Variants in YPEL2 observed in about 807,000 individuals in gnomAD.
The protein encoded by YPEL2 is yippee like 2.
YPEL2 carries 2 observed loss-of-function variants against 19.1 expected under a neutral mutation model. The observed-to-expected ratio is 0.10, with a 90% CI of 0.04 to 0.33. The LOEUF (loss-of-function observed/expected upper bound fraction) is 0.33. YPEL2 is among the 10% of genes least tolerant of loss of function. YPEL2 has a pLI of 1.00. For missense variants in YPEL2, 66 were observed against 140.7 expected (o/e 0.47, Z 2.68); for synonymous variants, 52 against 50.0 (o/e 1.04, Z -0.17).
chr17:59,394,024 T>C (rs555969280), intron 4 of YPEL2, among the ~76,000 whole-genome samples: 113 of 152,350 alleles, frequency 7.4e-4, no homozygotes, highest in African/African-American at 2.6e-3. Context: ...CAATGAGCTG[T>C]TGGGTACACC....
At chr17:59,396,686 C>T (rs752294229) in intron 4 of YPEL2, among the ~76,000 whole-genome samples, 1 of 152,142 alleles carries the variant, frequency 6.6e-6, no homozygotes, top group Non-Finnish European at 1.5e-5. Context: ...GGGACCAGAC[C>T]GTGGTGACGC....
chr17:59,377,841 C>A (rs748836495), intron 2 of YPEL2, among the ~76,000 whole-genome samples: 16 of 152,332 alleles, frequency 1.1e-4, no homozygotes, highest in Non-Finnish European at 1.8e-4. Context: ...ACTAGTTTTG[C>A]AGCTCCCATT....
intron 4 of YPEL2, among the ~76,000 whole-genome samples, chr17:59,393,132 G>C (rs2048016401): frequency 6.6e-6 from 1 of 152,052 alleles, no homozygotes; most frequent in African/African-American, 2.4e-5. Context: ...TGTGTCTCGG[G>C]GCTATTGATT....
intron 1 of YPEL2, among the ~76,000 whole-genome samples, chr17:59,334,491 T>C (rs1182095827): frequency 4.0e-5 from 6 of 151,608 alleles, no homozygotes; most frequent in African/African-American, 1.5e-4. Flanking sequence ...TTACTTCCCA[T>C]TGTGATGGCC....
chr17:59,339,121 ACCC>A (rs1206197680), intron 1 of YPEL2, among the ~76,000 whole-genome samples: 1 of 65,496 alleles, frequency 1.5e-5, no homozygotes, highest in Non-Finnish European at 3.2e-5. Flanking sequence ...CCCCACCCCC[ACCC>A]CAACGCCTTG....
At chr17:59,372,239 G>A (rs985292893) in intron 2 of YPEL2, among the ~76,000 whole-genome samples, 4 of 152,216 alleles carry the variant, frequency 2.6e-5, no homozygotes, top group Non-Finnish European at 4.4e-5. Flanking sequence ...AATTTTCCCA[G>A]AAGCCCTAGC....
rs1394264911 is a variant in YPEL2, at chr17:59,397,344, C to T, written c.*154C>T. The T allele has an allele frequency of 2.1e-6, 1 of 480,838 alleles. No individual in the cohort carries two copies. Among genetic ancestry groups the T allele is most frequent in the Non-Finnish European group, 3.7e-6 (1 of 270,376 alleles). The allele number at this position is 480,838 out of a possible 1,614,324, so 29.8% of individuals were successfully genotyped here. ...CACCCTGACGCCATCTTTCTGGTGA[C>T]CGGCCTCTAAATCGCTGTCTCTCTG... On this transcript the variant is annotated 3_prime_UTR_variant, in exon 5 of 5. Transcript: ENST00000312655.
intron 2 of YPEL2, among the ~76,000 whole-genome samples, chr17:59,360,823 A>C (rs2047837077): frequency 6.6e-6 from 1 of 152,116 alleles, no homozygotes; most frequent in Non-Finnish European, 1.5e-5. Flanking sequence ...GCCATGAATT[A>C]GGCTGGGATT....
chr17:59,339,796 A>G lies in YPEL2; in HGVS notation c.-196+7972A>G, dbSNP rs150496097. ...CTGGAAAGCAGGGGTCATCATCATA[A>G]TGCCTGTCTCCCTGGGTTGTTGTGA... is the stretch of plus-strand genomic sequence containing the variant. On this transcript the variant is annotated intron_variant, in intron 1 of 4. Coordinates refer to ENST00000312655, the MANE Select transcript of YPEL2 (RefSeq NM_001005404.4). Among the ~76,000 whole-genome samples the G allele has an allele frequency of 3.2e-3, 484 of 152,248 alleles. 1 individual carries two copies. The highest frequency in any genetic ancestry group is 0.011 in the African/African-American group (448 of 41,540).
At chr17:59,359,685 GAAT>G (rs1368442583) in intron 2 of YPEL2, among the ~76,000 whole-genome samples, 1 of 152,054 alleles carries the variant, frequency 6.6e-6, no homozygotes, top group Non-Finnish European at 1.5e-5. Flanking sequence ...AACCATACTC[GAAT>G]AAAATTCGAG....
intron 2 of YPEL2, among the ~76,000 whole-genome samples, chr17:59,373,977 A>G (rs1295356005): frequency 6.6e-6 from 1 of 152,250 alleles, no homozygotes; most frequent in African/African-American, 2.4e-5. Context: ...AAAACACAAG[A>G]GAAGTCTGAG....
At chr17:59,359,415 T>A (rs1188595925) in intron 2 of YPEL2, among the ~76,000 whole-genome samples, 1 of 152,194 alleles carries the variant, frequency 6.6e-6, no homozygotes, top group Non-Finnish European at 1.5e-5. Flanking sequence ...GTGTTGTTAG[T>A]GGCTACTGTG....
chr17:59,368,880 T>G (rs2047883372), intron 2 of YPEL2, among the ~76,000 whole-genome samples: 1 of 152,228 alleles, frequency 6.6e-6, no homozygotes, highest in African/African-American at 2.4e-5. Context: ...TTTGTGTGAT[T>G]ATACAATGTT....
intron 1 of YPEL2, among the ~76,000 whole-genome samples, chr17:59,352,702 G>C (rs942324970): frequency 6.6e-6 from 1 of 152,230 alleles, no homozygotes; most frequent in African/African-American, 2.4e-5. Context: ...CTAAAGCAAA[G>C]GCTGGGGTGT....
intron 2 of YPEL2, among the ~76,000 whole-genome samples, chr17:59,358,388 C>T (rs2047823764): frequency 6.6e-6 from 1 of 152,036 alleles, no homozygotes; most frequent in African/African-American, 2.4e-5. Flanking sequence ...GATCTAGTGG[C>T]TGCCAAGAGG....
In YPEL2 at chr17:59,398,638, A is replaced by T. The variant is rs1044801923; in HGVS notation, c.*1448A>T. 2 of 152,234 alleles carry T rather than the reference A, an allele frequency of 1.3e-5. No homozygotes were observed. The highest frequency in any genetic ancestry group is 4.8e-5 in the African/African-American group (2 of 41,462). 9.4% of individuals were successfully genotyped at this position (152,234 alleles called of 1,614,324 possible). A position where few individuals can be genotyped will look rare whatever the true frequency, so the allele number is the denominator to read the frequency against. ...ACACTGTGAAGTCTGTTCTACAGCA[A>T]TTCAGCCATTACACAGTATATGACT... is the stretch of plus-strand genomic sequence containing the variant. On this transcript the variant is annotated 3_prime_UTR_variant, in exon 5 of 5. Coordinates refer to ENST00000312655, the MANE Select transcript of YPEL2 (RefSeq NM_001005404.4).
chr17:59,339,196 C>G (rs1427654676), intron 1 of YPEL2, among the ~76,000 whole-genome samples: 1 of 146,160 alleles, frequency 6.8e-6, no homozygotes, highest in Non-Finnish European at 1.5e-5. Context: ...TGACCCATTG[C>G]CAAATGAACC....
intron 4 of YPEL2, among the ~76,000 whole-genome samples, chr17:59,390,017 T>C (rs1474879565): frequency 2.0e-5 from 3 of 152,212 alleles, no homozygotes; most frequent in African/African-American, 7.2e-5. Context: ...TTATTTTATT[T>C]TGAGACAGAG....
chr17:59,348,492 A>G (rs56010634), intron 1 of YPEL2, among the ~76,000 whole-genome samples: 57,462 of 152,102 alleles, frequency 0.38, 11,417 homozygotes, highest in Middle Eastern at 0.54. Flanking sequence ...GGGAGGCGGC[A>G]TGGGGTGGGG....
Sources: gnomAD v4.1 joint callset for allele counts (sites outside exome capture counted in the v4.1 genomes callset) on GRCh38, gnomAD v4.1.1 for gene constraint, MANE v1.5 for transcripts, NCBI Gene and HGNC (gene_info 2026-07-23, HGNC 2026-07-21) for gene names.